TRIOBP: variants seen among roughly 807,000 people sequenced by gnomAD.
The protein encoded by TRIOBP is TRIO and F-actin-binding protein.
TRIOBP carries 169 observed loss-of-function variants against 238.8 expected under a neutral mutation model. That is an observed-to-expected ratio of 0.71 (90% confidence interval 0.62 to 0.80). The LOEUF is 0.80. Ranked by LOEUF, TRIOBP falls within the 30% of genes least tolerant of loss-of-function variation. TRIOBP has a pLI of 0.00. For synonymous variants in TRIOBP, 1,150 were observed against 1,274.4 expected, an observed-to-expected ratio of 0.90 and a Z score of 2.08; for missense variants, 2,838 against 3,122.6, an observed-to-expected ratio of 0.91 and a Z score of 2.17.
intron 17 of TRIOBP, 38 bp from the exon 18 acceptor site, chr22:37,765,632 A>G (rs1926448011): frequency 8.4e-6 from 13 of 1,547,944 alleles, no homozygotes; most frequent in Non-Finnish European, 1.1e-5. Flanking sequence ...GTCCAGAGGA[A>G]CGGGGCAGCC....
intron 3 of TRIOBP, among the ~76,000 whole-genome samples, chr22:37,703,508 T>C (rs1193750200): frequency 6.7e-6 from 1 of 149,168 alleles, no homozygotes; most frequent in East Asian, 2.0e-4. Flanking sequence ...GTCCTCTTTT[T>C]TTTTTTTTTT....
chr22:37,716,210 C>A (rs936396928), intron 6 of TRIOBP, among the ~76,000 whole-genome samples: 2 of 152,000 alleles, frequency 1.3e-5, no homozygotes, highest in Non-Finnish European at 2.9e-5. Context: ...CTCCCCAGTT[C>A]AAGCGATTCT....
At chr22:37,719,290 C>A (rs1923700100) in intron 6 of TRIOBP, among the ~76,000 whole-genome samples, 1 of 151,930 alleles carries the variant, frequency 6.6e-6, no homozygotes, top group South Asian at 2.1e-4. Flanking sequence ...GTTTAGGAGG[C>A]AGACTTGATG....
rs756060712 is a variant in TRIOBP, at chr22:37,725,276, C to T, written c.2720C>T (p.Ala907Val). 6.2e-7 allele frequency: 1 copy of T among 1,613,994 alleles called. No homozygotes were observed. Among genetic ancestry groups the T allele is most frequent in the Non-Finnish European group, 8.5e-7 (1 of 1,180,012 alleles). ...PHRTNKDIPWASFPLRPTQSD... is the reference protein window; with the variant it reads ...PHRTNKDIPWVSFPLRPTQSD... Reference sequence around the variant, plus strand: ...CGTACTAACAAAGACATCCCCTGGGCCTCGTTTCCCCTCCGGCCAACTCAG... The same window carrying T: ...CGTACTAACAAAGACATCCCCTGGGTCTCGTTTCCCCTCCGGCCAACTCAG... The change falls in exon 7 of 24, where the codon GCC becomes GTC. Residue 907 changes from alanine (A) to valine (V), a missense_variant. Ala to Val is a moderately conservative substitution (Grantham distance 64). Transcript: ENST00000644935.
chr22:37,758,787 A>T (rs933099049), intron 16 of TRIOBP, among the ~76,000 whole-genome samples: 4 of 151,990 alleles, frequency 2.6e-5, no homozygotes, highest in Non-Finnish European at 5.9e-5. Context: ...AGCGGCCTCT[A>T]CCCCTAGGGT....
Position 37,724,016 on chromosome 22 carries a change from C to T in TRIOBP, c.1460C>T (p.Pro487Leu). ...ACATCCTGTGCCCAGCGGGACAATC[C>T]CAGAGCCTCCTCTCCCAGTAGAGCT... ...PRTSCAQRDN[P>L]RASSPSRATR... Residue 487 changes from proline to leucine, a missense_variant, in exon 7 of 24, where the codon CCC becomes CTC. By Grantham distance (98) the Pro-to-Leu change is moderately conservative. Around this residue, in one of 5 missense-constraint regions of TRIOBP, gnomAD observed 14 missense variants for 198.4 expected, o/e 0.07. Transcript: ENST00000644935. 2 of 1,543,380 alleles carry T rather than the reference C, an allele frequency of 1.3e-6. No individual in the cohort carries two copies. The highest frequency in any genetic ancestry group is 1.7e-6 in the Non-Finnish European group (2 of 1,147,940).
At chr22:37,752,050 A>T (rs1179794127) in intron 12 of TRIOBP, among the ~76,000 whole-genome samples, 1 of 152,168 alleles carries the variant, frequency 6.6e-6, no homozygotes, top group Non-Finnish European at 1.5e-5. Context: ...CCAGTGCCCC[A>T]TCCCTTGATC....
rs1374025764 is a variant in TRIOBP at position 37,774,482 on chromosome 22, TCTTAA to T, written c.*708_*712del. ...GTGTTTCTCTTCTGCTCCCTGAACC[TCTTAA>T]CTTAATAAAACGTTCCAGCAGCTCT... is the stretch of plus-strand genomic sequence containing the variant. On this transcript the variant is annotated 3_prime_UTR_variant, in exon 24 of 24. Transcript: ENST00000644935. The T allele has an allele frequency of 2.0e-5, 3 of 152,176 alleles. No individual in the cohort carries two copies. Among genetic ancestry groups the T allele is most frequent in the Non-Finnish European group, 4.4e-5 (3 of 68,028 alleles). 9.4% of individuals were successfully genotyped at this position (152,176 alleles called of 1,614,324 possible).
At position 37,776,455 on chromosome 22, in the gene TRIOBP, C is replaced by G. The variant is rs1343218990; in HGVS notation, c.*2675C>G. 6.6e-6 allele frequency: 1 copy of G among 152,178 alleles called. No individual in the cohort carries two copies. The highest frequency in any genetic ancestry group is 1.5e-5 in the Non-Finnish European group (1 of 68,038). The allele number at this position is 152,178 out of a possible 1,614,324, so 9.4% of individuals were successfully genotyped here. On this transcript the variant is annotated 3_prime_UTR_variant, in exon 24 of 24. Transcript: ENST00000644935. ...GCTTACACATCCAGGAGAAATGAGTCCTTACATGCACAAAAGGATGAGTAC... is the reference window on the plus strand; with the variant it reads ...GCTTACACATCCAGGAGAAATGAGTGCTTACATGCACAAAAGGATGAGTAC...
At chr22:37,739,166 T>C (rs988050096) in intron 10 of TRIOBP, among the ~76,000 whole-genome samples, 5 of 151,856 alleles carry the variant, frequency 3.3e-5, no homozygotes, top group Admixed American at 3.3e-4. Flanking sequence ...GGGAGAGATA[T>C]GTGCGGGGGT....
In TRIOBP at chr22:37,733,216, C is replaced by T. The variant is rs1001640628; in HGVS notation, c.3948-82C>T. Reference sequence around the variant, plus strand: ...TGGGTCCCTGGCTGTCCCACATCTCCTCCTGTTGGAGGTGGGAGCAGAGGG... The same window carrying T: ...TGGGTCCCTGGCTGTCCCACATCTCTTCCTGTTGGAGGTGGGAGCAGAGGG... On this transcript the variant is annotated intron_variant, in intron 7 of 23. Transcript: ENST00000644935. 1.7e-5 allele frequency: 19 copies of T among 1,111,306 alleles called. No homozygotes were observed. The East Asian group carries it at 2.6e-4, about 15-fold the overall frequency. 68.8% of individuals were successfully genotyped at this position (1,111,306 alleles called of 1,614,324 possible). A position where few individuals can be genotyped will look rare whatever the true frequency, so the allele number is the denominator to read the frequency against.
Position 37,757,606 on chromosome 22 carries a change from G to C in TRIOBP, c.5688-7G>C. On this transcript the variant is annotated splice_polypyrimidine_tract_variant and splice_region_variant and intron_variant, in intron 15 of 23. Coordinates refer to ENST00000644935, the MANE Select transcript of TRIOBP (RefSeq NM_001039141.3). ...ACCCACCTGACGTGGCTCTGCTGGT[G>C]CCCTAGGCTCTCGGACTCTAACAAG... 6.4e-7 allele frequency: 1 copy of C among 1,574,304 alleles called. No individual in the cohort carries two copies. Among genetic ancestry groups the C allele is most frequent in the Non-Finnish European group, 8.6e-7 (1 of 1,163,684 alleles).
chr22:37,726,619 C>A, intron 7 of TRIOBP, 116 bp downstream of exon 7: 1 of 1,120,842 alleles, frequency 8.9e-7, no homozygotes, highest in South Asian at 1.9e-5. Context: ...TGCCATTTAC[C>A]GGCTGTGTGA....
intron 3 of TRIOBP, among the ~76,000 whole-genome samples, chr22:37,708,053 T>C (rs1287388740): frequency 1.3e-5 from 2 of 150,364 alleles, no homozygotes; most frequent in Non-Finnish European, 3.0e-5. Context: ...GAGACCATCC[T>C]GGCTAACACG....
At chr22:37,741,443 C>T (rs138515883) in intron 11 of TRIOBP, among the ~76,000 whole-genome samples, 82 of 152,320 alleles carry the variant, frequency 5.4e-4, no homozygotes, top group East Asian at 3.3e-3. Context: ...TCTGGCGTTA[C>T]GTAACCCATC....
chr22:37,746,275 A>G lies in TRIOBP; in HGVS notation c.5322+5243A>G, dbSNP rs1355808016. The G allele has an allele frequency of 3.7e-6, 4 of 1,074,696 alleles. No individual in the cohort carries two copies. The African/African-American group carries it at 6.9e-5, about 19-fold the overall frequency. The allele number at this position is 1,074,696 out of a possible 1,614,324, so 66.6% of individuals were successfully genotyped here. On this transcript the variant is annotated intron_variant, in intron 11 of 23. Coordinates refer to ENST00000644935, the MANE Select transcript of TRIOBP (RefSeq NM_001039141.3). ...AAGGGGCCGGGGCAGCGTCGGGGAA[A>G]GGAAGGGCCGGAGGCGCGGCGGCGG...
intron 6 of TRIOBP, among the ~76,000 whole-genome samples, chr22:37,720,338 TA>T (rs2145829454): frequency 1.3e-5 from 2 of 152,216 alleles, no homozygotes; most frequent in East Asian, 3.9e-4. Context: ...TACTATTAAC[TA>T]AGCTACAGAC....
chr22:37,754,417 CAAA>C (rs11428898), intron 12 of TRIOBP, among the ~76,000 whole-genome samples: 3 of 82,826 alleles, frequency 3.6e-5, no homozygotes, highest in Non-Finnish European at 7.5e-5. Context: ...TCCTCCATCT[CAAA>C]AAAAAAAAAA....
rs202201620 is a variant in TRIOBP, at chr22:37,705,677, G to A, written c.114+4198G>A. ...TGCAACCTCTGCCTCCCAGGTTCAA[G>A]CGATTCTCCTGCCTCAGCCTCCCAG... On this transcript the variant is annotated intron_variant, in intron 3 of 23. Coordinates refer to ENST00000644935, the MANE Select transcript of TRIOBP (RefSeq NM_001039141.3). Among the ~76,000 whole-genome samples, 108 of 152,084 alleles carry A rather than the reference G, an allele frequency of 7.1e-4. No homozygotes were observed. In the East Asian group the frequency reaches 0.02, roughly 28 times the overall value.
Sources: gnomAD v4.1 joint callset for allele counts (sites outside exome capture counted in the v4.1 genomes callset) on GRCh38, gnomAD v4.1.1 for gene constraint, gnomAD v4.1.1 regional missense constraint, MANE v1.5 for transcripts, NCBI Gene and HGNC (gene_info 2026-07-23, HGNC 2026-07-21) for gene names.